Variants in PCYT1A observed in about 807,000 individuals in gnomAD.
PCYT1A encodes choline-phosphate cytidylyltransferase A.
In PCYT1A, 25 loss-of-function variants were observed where a neutral mutation model predicts 43.7. That is an observed-to-expected ratio of 0.57 (90% CI 0.42 to 0.80). PCYT1A has a LOEUF of 0.80. Among genes scored for constraint, PCYT1A ranks in the 30% least tolerant of loss-of-function variants. PCYT1A has a pLI of 0.00. For missense variants in PCYT1A, 421 were observed against 474.2 expected, an observed-to-expected ratio of 0.89 and a Z score of 1.04; for synonymous variants, 172 against 170.7, an observed-to-expected ratio of 1.01 and a Z score of -0.06.
chr3:196,257,974 G>C, intron 2 of PCYT1A, 87 bp from the exon 3 acceptor site: 4 of 753,290 alleles, frequency 5.3e-6, no homozygotes, highest in Non-Finnish European at 8.9e-6. Flanking sequence ...AGAGAAAGGA[G>C]ATTGATCTCT....
rs113445087 is a variant in PCYT1A, at chr3:196,252,102, A to T, written c.218-3779T>A. Reference sequence around the variant, plus strand: ...TACAGCGCACCCCGCCACGCCCCGCAGACTACAGCGCACCCCGCCACGCCC... The same window carrying T: ...TACAGCGCACCCCGCCACGCCCCGCTGACTACAGCGCACCCCGCCACGCCC... On this transcript the variant is annotated intron_variant, in intron 3 of 8. Transcript: ENST00000431016. The surrounding 1 kb of genome is among the most constrained non-coding windows in gnomAD (Gnocchi z 4.0). Among the ~76,000 whole-genome samples the T allele has an allele frequency of 0.12, 18,074 of 146,490 alleles. 1,164 individuals carry two copies. The highest frequency in any genetic ancestry group is 0.19 in the South Asian group (886 of 4,676).
At chr3:196,265,499 CT>C (rs1725241164) in intron 2 of PCYT1A, among the ~76,000 whole-genome samples, 1 of 152,108 alleles carries the variant, frequency 6.6e-6, no homozygotes. Flanking sequence ...AAAGTTTTTC[CT>C]AGTTTTTCCT....
chr3:196,264,480 T>C (rs961311048), intron 2 of PCYT1A, among the ~76,000 whole-genome samples: 3 of 152,234 alleles, frequency 2.0e-5, no homozygotes, highest in African/African-American at 7.2e-5. Flanking sequence ...TCTGAACTTG[T>C]ACCCCATCTC....
chr3:196,241,648 A>G (rs1027198289), intron 7 of PCYT1A: 1 of 1,352,540 alleles, frequency 7.4e-7, no homozygotes, highest in Non-Finnish European at 9.7e-7. Context: ...CAACCGAAGA[A>G]GAGAGAGGAA....
Position 196,257,854 on chromosome 3 carries a change from T to C in PCYT1A, c.151A>G (p.Ile51Val). ...TAGGGCTTACTAAAGTCAACTTCAA[T>C]TTCATCAGAAAAAGGAGCTGGTTGC... ...LRQPAPFSDE[I>V]EVDFSKPYVR... is the part of the protein sequence containing the mutation. Residue 51 changes from isoleucine (I) to valine (V), a missense_variant, in exon 3 of 9, where the codon ATT becomes GTT. Ile to Val is a conservative substitution (Grantham distance 29). Transcript: ENST00000431016. 4 of 1,613,452 alleles carry C rather than the reference T, an allele frequency of 2.5e-6. No individual in the cohort carries two copies. Among genetic ancestry groups the C allele is most frequent in the Non-Finnish European group, 3.4e-6 (4 of 1,179,696 alleles).
chr3:196,264,640 G>A (rs1035452826), intron 2 of PCYT1A, among the ~76,000 whole-genome samples: 3 of 152,196 alleles, frequency 2.0e-5, no homozygotes, highest in African/African-American at 4.8e-5. Context: ...GAGATTGGGA[G>A]GCCTATACTT....
intron 1 of PCYT1A, among the ~76,000 whole-genome samples, chr3:196,286,815 G>A (rs1382034511): frequency 6.6e-6 from 1 of 152,244 alleles, no homozygotes; most frequent in East Asian, 1.9e-4. Flanking sequence ...TAGGGAGGCT[G>A]AGACAAGAGA....
At chr3:196,280,828 C>T (rs1212066222) in intron 1 of PCYT1A, among the ~76,000 whole-genome samples, 2 of 152,134 alleles carry the variant, frequency 1.3e-5, no homozygotes, top group African/African-American at 2.4e-5. Context: ...TATCTTACTA[C>T]ATCATACTCA....
rs1169591609 is a variant in PCYT1A, at chr3:196,254,031, GATT to G, written c.217+3754_217+3756del. The stretch of plus-strand genomic sequence containing the variant: ...TATATGTTATATAGATAGATAGATA[GATT>G]TTTTTTTTTTGAGACGGAGTCTCAC... On this transcript the variant is annotated intron_variant, in intron 3 of 8. Coordinates refer to ENST00000431016, the MANE Select transcript of PCYT1A (RefSeq NM_001312673.2). Among the ~76,000 whole-genome samples the G allele has an allele frequency of 2.0e-5, 3 of 149,320 alleles. No individual in the cohort carries two copies. The East Asian group carries it at 5.8e-4, about 29-fold the overall frequency.
rs1482237707 is a variant in PCYT1A at position 196,257,811 on chromosome 3, T to C, written c.194A>G (p.Glu65Gly). 5 of 1,609,292 alleles carry C rather than the reference T, an allele frequency of 3.1e-6. No homozygotes were observed. The Admixed American group carries it at 6.7e-5, about 21-fold the overall frequency. ...FSKPYVRVTMEEASRGTPCER... is the reference protein window; with the variant it reads ...FSKPYVRVTMGEASRGTPCER... ...ACAAGGAGTTCCTCTGCTGGCTTCT[T>C]CCATAGTTACCCTGACATAGGGCTT... The change falls in exon 3 of 9, where the codon GAA becomes GGA. Residue 65 changes from glutamate (E) to glycine (G), a missense_variant. Glu to Gly is a moderately conservative substitution (Grantham distance 98). Around this residue, in one of 3 missense-constraint regions of PCYT1A, gnomAD observed 139 missense variants for 117.7 expected, o/e 1.18. Coordinates refer to ENST00000431016, the MANE Select transcript of PCYT1A (RefSeq NM_001312673.2).
chr3:196,242,079 G>C lies in PCYT1A; in HGVS notation c.577C>G (p.Pro193Ala). The C allele has an allele frequency of 6.2e-7, 1 of 1,613,974 alleles. No homozygotes were observed. Among genetic ancestry groups the C allele is most frequent in the South Asian group, 1.1e-5 (1 of 91,066 alleles). ...KHIKEAGMFA[P>A]TQRTEGISTS... ...GAGATACCTTCTGTCCTCTGTGTTG[G>C]AGCAAACATGCCTAACTCAGAAACA... Residue 193 changes from proline (P) to alanine (A), a missense_variant, in exon 7 of 9, where the codon CCA becomes GCA. By Grantham distance (27) the Pro-to-Ala change is conservative. Around this residue, in one of 3 missense-constraint regions of PCYT1A, gnomAD observed 174 missense variants for 270.7 expected, o/e 0.64. Transcript: ENST00000431016. The surrounding 1 kb of genome is among the most constrained non-coding windows in gnomAD (Gnocchi z 4.2).
chr3:196,251,815 C>A (rs775008379), intron 3 of PCYT1A, among the ~76,000 whole-genome samples: 1 of 152,326 alleles, frequency 6.6e-6, no homozygotes, highest in South Asian at 2.1e-4. Context: ...TATAGGGATA[C>A]CAGGTGGCTG....
In PCYT1A at chr3:196,236,001, T is replaced by C. The variant is rs1335551117; in HGVS notation, c.*2687A>G. 6.6e-6 allele frequency: 1 copy of C among 152,192 alleles called. No homozygotes were observed. Among genetic ancestry groups the C allele is most frequent in the African/African-American group, 2.4e-5 (1 of 41,444 alleles). 9.4% of individuals were successfully genotyped at this position (152,192 alleles called of 1,614,324 possible). On this transcript the variant is annotated 3_prime_UTR_variant, in exon 9 of 9. Coordinates refer to ENST00000431016, the MANE Select transcript of PCYT1A (RefSeq NM_001312673.2). ...ACAAATAGCTTTCAGTCAAAACGAT[T>C]AGACTGAGGTGGTAGAAGCTCACCA...
intron 1 of PCYT1A, among the ~76,000 whole-genome samples, chr3:196,271,414 C>T (rs1057300690): frequency 6.6e-6 from 1 of 152,068 alleles, no homozygotes; most frequent in Non-Finnish European, 1.5e-5. Flanking sequence ...TTTTTATTTA[C>T]TTTTTTATTG....
At position 196,238,023 on chromosome 3, in the gene PCYT1A, TG is replaced by T. The variant is rs1052619065; in HGVS notation, c.*664del. 5 of 152,246 alleles carry T rather than the reference TG, an allele frequency of 3.3e-5. No homozygotes were observed. Among genetic ancestry groups the T allele is most frequent in the African/African-American group, 1.2e-4 (5 of 41,458 alleles). The allele number at this position is 152,246 out of a possible 1,614,324, so 9.4% of individuals were successfully genotyped here. On this transcript the variant is annotated 3_prime_UTR_variant, in exon 9 of 9. Coordinates refer to ENST00000431016, the MANE Select transcript of PCYT1A (RefSeq NM_001312673.2). ...GCTTCCATCCCCATCAGTGTCTTCA[TG>T]GACCCCATTGGGTCCAACAAGAAAC... is the stretch of plus-strand genomic sequence containing the variant.
intron 3 of PCYT1A, among the ~76,000 whole-genome samples, chr3:196,250,308 G>GGCTGAGGATCAGATACACTAT (rs1315227370): frequency 6.6e-6 from 1 of 151,744 alleles, no homozygotes; most frequent in African/African-American, 2.4e-5. Flanking sequence ...ACTATGCTGA[G>GGCTGAGGATCAGATACACTAT]GCTGAGGATC....
chr3:196,259,455 A>G (rs1725043219), intron 2 of PCYT1A, among the ~76,000 whole-genome samples: 1 of 152,206 alleles, frequency 6.6e-6, no homozygotes, highest in East Asian at 1.9e-4. Flanking sequence ...GGCTGAATCC[A>G]GAGACTGGGA....
rs1577350543 is a variant in PCYT1A, at chr3:196,236,307, C to T, written c.*2381G>A. The T allele has an allele frequency of 6.6e-6, 1 of 152,272 alleles. No individual in the cohort carries two copies. Among genetic ancestry groups the T allele is most frequent in the East Asian group, 1.9e-4 (1 of 5,200 alleles). 9.4% of individuals were successfully genotyped at this position (152,272 alleles called of 1,614,324 possible). A position where few individuals can be genotyped will look rare whatever the true frequency, so the allele number is the denominator to read the frequency against. ...GAGGAACCAAGCAGATGGGCTTCAG[C>T]ACAGACTTCACTGCCACACCACACC... On this transcript the variant is annotated 3_prime_UTR_variant, in exon 9 of 9. Coordinates refer to ENST00000431016, the MANE Select transcript of PCYT1A (RefSeq NM_001312673.2).
At chr3:196,243,816 G>A (rs1278805759) in intron 5 of PCYT1A, among the ~76,000 whole-genome samples, 3 of 152,282 alleles carry the variant, frequency 2.0e-5, no homozygotes, top group African/African-American at 4.8e-5. Flanking sequence ...GATTGCAGAC[G>A]GAGTCTCGTT....
Sources: gnomAD v4.1 joint callset for allele counts (sites outside exome capture counted in the v4.1 genomes callset) on GRCh38, gnomAD v4.1.1 for gene constraint, gnomAD v4.1.1 regional missense constraint, Gnocchi (gnomAD v3.1) non-coding constraint, MANE v1.5 for transcripts, NCBI Gene and HGNC (gene_info 2026-07-23, HGNC 2026-07-21) for gene names.